Variants in NOX4 observed in about 807,000 individuals in gnomAD.
NOX4 encodes NADPH oxidase 4.
A neutral mutation model predicts 87.6 loss-of-function variants in NOX4; 69 were observed. That is an observed-to-expected ratio of 0.79 (90% confidence interval 0.65 to 0.96). The LOEUF (loss-of-function observed/expected upper bound fraction) is 0.96, where lower values mean the gene tolerates loss of function less well. NOX4 is among the 40% of genes least tolerant of loss of function. The pLI is 0.00. For synonymous variants in NOX4, 275 were observed against 238.2 expected (o/e 1.15, Z -1.42); for missense variants, 680 against 681.5 (o/e 1.00, Z 0.02).
At chr11:89,371,562 A>G (rs1335760352) in intron 12 of NOX4, among the ~76,000 whole-genome samples, 2 of 151,878 alleles carry the variant, frequency 1.3e-5, no homozygotes, top group South Asian at 2.1e-4. Flanking sequence ...TTTTCATTGC[A>G]TGTTTTCTTT....
chr11:89,563,293 A>G, the NOX4 span, among the ~76,000 whole-genome samples: 4 of 152,208 alleles, frequency 2.6e-5, no homozygotes, highest in East Asian at 5.8e-4. Flanking sequence ...TTAACAACTC[A>G]TAAATACTTT....
intron 4 of NOX4, 71 bp downstream of exon 4, chr11:89,449,369 T>A: frequency 8.8e-7 from 1 of 1,138,966 alleles, no homozygotes. Context: ...GATCATTCTG[T>A]GTATGTCTGG....
At chr11:89,441,997 T>G (rs1312529326) in intron 5 of NOX4, among the ~76,000 whole-genome samples, 2 of 147,966 alleles carry the variant, frequency 1.4e-5, no homozygotes, top group African/African-American at 4.9e-5. Flanking sequence ...TATCAATATA[T>G]AAAATATAAT....
chr11:89,425,423 AAC>A lies in NOX4; in HGVS notation c.549-3443_549-3442del, dbSNP rs1555024580. Among the ~76,000 whole-genome samples the A allele has an allele frequency of 7.2e-3, 1,087 of 150,978 alleles. 10 individuals carry two copies. Among genetic ancestry groups the A allele is most frequent in the African/African-American group, 0.026 (1,046 of 40,862 alleles). ...AATTGAAATACCAAAAAAAAAAAAA[AAC>A]AAAACAAAATCTACCCAAAACATTT... On this transcript the variant is annotated intron_variant, in intron 7 of 17. Transcript: ENST00000263317.
intron 17 of NOX4, among the ~76,000 whole-genome samples, chr11:89,333,936 T>C (rs546875910): frequency 6.6e-6 from 1 of 151,824 alleles, no homozygotes; most frequent in East Asian, 1.9e-4. Flanking sequence ...TTTTCCATTG[T>C]TTCCAGAAAA....
intron 3 of NOX4, among the ~76,000 whole-genome samples, chr11:89,450,035 A>G (rs1181871704): frequency 6.6e-6 from 1 of 152,228 alleles, no homozygotes; most frequent in Admixed American, 6.5e-5. Flanking sequence ...TGATCTTATA[A>G]CAAAATAAAA....
intron 6 of NOX4, among the ~76,000 whole-genome samples, chr11:89,436,310 A>C (rs145871960): frequency 3.3e-5 from 5 of 152,276 alleles, no homozygotes; most frequent in African/African-American, 9.6e-5. Flanking sequence ...CTTGGTTGAC[A>C]GCTCAGCTAA....
At chr11:89,509,974 A>G in the NOX4 span, among the ~76,000 whole-genome samples, 7 of 152,056 alleles carry the variant, frequency 4.6e-5, no homozygotes, top group African/African-American at 1.7e-4. Context: ...GAATATACAC[A>G]GCCTCCATTA....
the NOX4 span, among the ~76,000 whole-genome samples, chr11:89,543,984 T>C: frequency 6.6e-6 from 1 of 152,102 alleles, no homozygotes; most frequent in Non-Finnish European, 1.5e-5. Context: ...CTGTTCCTTT[T>C]CATTTATGTA....
upstream of NOX4, among the ~76,000 whole-genome samples, chr11:89,496,079 C>T (rs1946945689): frequency 6.6e-6 from 1 of 152,128 alleles, no homozygotes; most frequent in African/African-American, 2.4e-5. Flanking sequence ...GAAAGGCCCA[C>T]CAGGGAGCCA....
intron 2 of NOX4, among the ~76,000 whole-genome samples, chr11:89,468,277 AT>A (rs1945790396): frequency 6.6e-6 from 1 of 152,242 alleles, no homozygotes; most frequent in South Asian, 2.1e-4. Context: ...TAAGACAGAC[AT>A]TCAAAAACTG....
At chr11:89,329,478 G>A (rs1266637340) in intron 17 of NOX4, among the ~76,000 whole-genome samples, 3 of 135,286 alleles carry the variant, frequency 2.2e-5, no homozygotes, top group Admixed American at 7.3e-5. Context: ...CAAGGGAGAA[G>A]AAAAAAAAAA....
the NOX4 span, among the ~76,000 whole-genome samples, chr11:89,572,358 G>A: frequency 1.4e-4 from 22 of 152,114 alleles, no homozygotes; most frequent in Non-Finnish European, 2.1e-4. Context: ...ATTTTGGCTC[G>A]TTTTTGCTAT....
intron 6 of NOX4, among the ~76,000 whole-genome samples, 188 bp downstream of exon 6, chr11:89,440,500 T>C (rs1295223760): frequency 6.6e-6 from 1 of 151,914 alleles, no homozygotes; most frequent in Non-Finnish European, 1.5e-5. Flanking sequence ...ATTTTTTGTG[T>C]TTTTAGTAGA....
chr11:89,338,951 GT>G (rs1229723312), intron 15 of NOX4, among the ~76,000 whole-genome samples: 2 of 151,952 alleles, frequency 1.3e-5, no homozygotes. Context: ...GTATTTATTG[GT>G]TGTTGTCTAT....
chr11:89,424,470 T>A (rs1943265824), intron 7 of NOX4, among the ~76,000 whole-genome samples: 1 of 150,788 alleles, frequency 6.6e-6, no homozygotes, highest in Non-Finnish European at 1.5e-5. Context: ...TTTCATTTTT[T>A]ACTATATGTA....
chr11:89,422,051 C>T, intron 7 of NOX4, 69 bp from the exon 8 acceptor site: 1 of 813,692 alleles, frequency 1.2e-6, no homozygotes, highest in African/African-American at 1.8e-5. Flanking sequence ...TCAAAAATAC[C>T]ATGTATCATT....
the NOX4 span, among the ~76,000 whole-genome samples, chr11:89,564,186 T>C: frequency 6.6e-6 from 1 of 152,196 alleles, no homozygotes; most frequent in Non-Finnish European, 1.5e-5. Context: ...ATTCTCACAA[T>C]GCTATAAAGA....
the NOX4 span, among the ~76,000 whole-genome samples, chr11:89,567,350 C>T: frequency 1.3e-5 from 2 of 152,192 alleles, no homozygotes; most frequent in African/African-American, 4.8e-5. Context: ...CCCCCAAGCA[C>T]CTGCCTATGG....
Sources: gnomAD v4.1 joint callset for allele counts (sites outside exome capture counted in the v4.1 genomes callset) on GRCh38, gnomAD v4.1.1 for gene constraint, MANE v1.5 for transcripts, NCBI Gene and HGNC (gene_info 2026-07-23, HGNC 2026-07-21) for gene names.